PPIF: variants seen among roughly 807,000 people sequenced by gnomAD.
PPIF encodes peptidylprolyl isomerase F, also known as peptidyl-prolyl cis-trans isomerase F, mitochondrial.
Under a neutral mutation model 20.2 loss-of-function variants are expected in PPIF, and 23 were observed. That is an observed-to-expected ratio of 1.14 (90% CI 0.82 to 1.61). The LOEUF is 1.61. PPIF is among the 40% of genes most tolerant of loss of function. The probability of loss-of-function intolerance (pLI) is 0.00; values close to 1 mark genes in which losing one functional copy is unlikely to be tolerated. For synonymous variants in PPIF, 113 were observed against 123.1 expected, an observed-to-expected ratio of 0.92 and a Z score of 0.54; for missense variants, 287 against 291.6, an observed-to-expected ratio of 0.98 and a Z score of 0.11.
chr10:79,349,123 GGCCTT>G lies in PPIF; in HGVS notation c.226+18_226+22del. On this transcript the variant is annotated intron_variant, in intron 2 of 5. Coordinates refer to ENST00000225174, the MANE Select transcript of PPIF (RefSeq NM_005729.4). Reference sequence around the variant, plus strand: ...AGACAGCTGGTAAGACAGGGCCTGGGGCCTTCTGAGATGGGTCTAGAGGGAAGGGG... The same window carrying G: ...AGACAGCTGGTAAGACAGGGCCTGGGCTGAGATGGGTCTAGAGGGAAGGGG... The G allele has an allele frequency of 6.2e-7, 1 of 1,613,956 alleles. No homozygotes were observed. Among genetic ancestry groups the G allele is most frequent in the Non-Finnish European group, 8.5e-7 (1 of 1,179,980 alleles).
In PPIF at chr10:79,347,478, T is replaced by C. The variant is rs1019121902; in HGVS notation, c.-71T>C. 10 of 1,249,790 alleles carry C rather than the reference T, an allele frequency of 8.0e-6. No homozygotes were observed. Among genetic ancestry groups the C allele is most frequent in the South Asian group, 3.0e-5 (1 of 32,816 alleles). 77.4% of individuals were successfully genotyped at this position (1,249,790 alleles called of 1,614,324 possible). A position where few individuals can be genotyped will look rare whatever the true frequency, so the allele number is the denominator to read the frequency against. ...CGCGCGGCTGCGCGGGACTCGGCCT[T>C]CTGGGCGCGCGCGACGTCAGTTTGA... On this transcript the variant is annotated 5_prime_UTR_variant, in exon 1 of 6. Transcript: ENST00000225174.
Position 79,347,516 on chromosome 10 carries a change from C to T in PPIF, c.-33C>T. The T allele has an allele frequency of 7.8e-7, 1 of 1,286,144 alleles. No homozygotes were observed. Among genetic ancestry groups the T allele is most frequent in the Non-Finnish European group, 9.8e-7 (1 of 1,021,592 alleles). 79.7% of individuals were successfully genotyped at this position (1,286,144 alleles called of 1,614,324 possible). A position where few individuals can be genotyped will look rare whatever the true frequency, so the allele number is the denominator to read the frequency against. On this transcript the variant is annotated 5_prime_UTR_variant, in exon 1 of 6. Coordinates refer to ENST00000225174, the MANE Select transcript of PPIF (RefSeq NM_005729.4). ...GACGTCAGTTTGAGTTCTGTGTTCT[C>T]CCCGCCCGTGTCCCGCCCGACCCGC...
chr10:79,350,612 C>T (rs747524349), intron 3 of PPIF, among the ~76,000 whole-genome samples: 1 of 152,184 alleles, frequency 6.6e-6, no homozygotes, highest in Non-Finnish European at 1.5e-5. Flanking sequence ...CTGGCCCAGC[C>T]CTAAGGCTGA....
intron 2 of PPIF, 123 bp from the exon 3 acceptor site, chr10:79,349,542 G>A: frequency 1.3e-6 from 2 of 1,500,206 alleles, no homozygotes; most frequent in Non-Finnish European, 8.9e-7. Flanking sequence ...GACCCAAGAG[G>A]TGGGCCAGAG....
chr10:79,347,802 G>A, intron 1 of PPIF, 59 bp downstream of exon 1: 1 of 1,247,552 alleles, frequency 8.0e-7, no homozygotes, highest in Non-Finnish European at 1.0e-6. Context: ...AGAGCCCTGG[G>A]CCCCGGGCGG....
chr10:79,352,277 C>T (rs762202147), intron 4 of PPIF, 40 bp from the exon 5 acceptor site: 6 of 1,587,398 alleles, frequency 3.8e-6, no homozygotes, highest in African/African-American at 1.3e-5. Flanking sequence ...AGGCAGGTGC[C>T]TCCAGGGGCA....
chr10:79,352,215 C>A, intron 4 of PPIF, 102 bp from the exon 5 acceptor site: 3 of 1,048,456 alleles, frequency 2.9e-6, no homozygotes, highest in Non-Finnish European at 4.4e-6. Context: ...GATCTGCAGA[C>A]TCGAATGTCC....
Position 79,347,531 on chromosome 10 carries a change from G to C in PPIF, c.-18G>C. The C allele has an allele frequency of 7.7e-7, 1 of 1,296,796 alleles. No individual in the cohort carries two copies. Among genetic ancestry groups the C allele is most frequent in the Non-Finnish European group, 9.7e-7 (1 of 1,027,860 alleles). 80.3% of individuals were successfully genotyped at this position (1,296,796 alleles called of 1,614,324 possible). ...TCTGTGTTCTCCCCGCCCGTGTCCC[G>C]CCCGACCCGCGCCCGCGATGCTGGC... is the stretch of plus-strand genomic sequence containing the variant. On this transcript the variant is annotated 5_prime_UTR_variant, in exon 1 of 6. Transcript: ENST00000225174.
rs1242391702 is a variant in PPIF, at chr10:79,355,131, G to C, written c.*1289G>C. The C allele has an allele frequency of 6.6e-6, 1 of 152,106 alleles. No individual in the cohort carries two copies. Among genetic ancestry groups the C allele is most frequent in the Non-Finnish European group, 1.5e-5 (1 of 68,034 alleles). The allele number at this position is 152,106 out of a possible 1,614,324, so 9.4% of individuals were successfully genotyped here. On this transcript the variant is annotated 3_prime_UTR_variant, in exon 6 of 6. Coordinates refer to ENST00000225174, the MANE Select transcript of PPIF (RefSeq NM_005729.4). ...TTTTCTTGATGGTGAATTATTGCAA[G>C]ATACGGTCATTTAAAATTGTGTGGC...
intron 3 of PPIF, chr10:79,349,974 G>A: frequency 3.1e-6 from 3 of 972,306 alleles, no homozygotes; most frequent in Non-Finnish European, 4.4e-6. Context: ...CCTGCCCGGG[G>A]GACTGGGAGG....
chr10:79,352,593 G>C (rs1260522927), intron 5 of PPIF, among the ~76,000 whole-genome samples: 4 of 152,236 alleles, frequency 2.6e-5, no homozygotes, highest in South Asian at 2.1e-4. Context: ...CTGCAACTCT[G>C]TCATGGTTCG....
rs1264746152 is a variant in PPIF at position 79,355,172 on chromosome 10, C to T, written c.*1330C>T. On this transcript the variant is annotated 3_prime_UTR_variant, in exon 6 of 6. Coordinates refer to ENST00000225174, the MANE Select transcript of PPIF (RefSeq NM_005729.4). ...ATTGTGTGGCACCTCCCCCTGCCCC[C>T]TTCTTGCTCCTGCTTTCACCATGTG... The T allele has an allele frequency of 6.6e-6, 1 of 152,150 alleles. No individual in the cohort carries two copies. Among genetic ancestry groups the T allele is most frequent in the African/African-American group, 2.4e-5 (1 of 41,416 alleles). 9.4% of individuals were successfully genotyped at this position (152,150 alleles called of 1,614,324 possible). A position where few individuals can be genotyped will look rare whatever the true frequency, so the allele number is the denominator to read the frequency against.
intron 1 of PPIF, among the ~76,000 whole-genome samples, chr10:79,348,182 C>T (rs1377023552): frequency 6.6e-6 from 1 of 152,144 alleles, no homozygotes; most frequent in Non-Finnish European, 1.5e-5. Context: ...CGGCCCCGCC[C>T]CTGCGGTCGG....
rs749073914 is a variant in PPIF at position 79,352,345 on chromosome 10, T to C, written c.441T>C (p.Pro147=). 1.9e-6 allele frequency: 3 copies of C among 1,614,194 alleles called. No individual in the cohort carries two copies. The highest frequency in any genetic ancestry group is 1.7e-6 in the Non-Finnish European group (2 of 1,180,018). ...PGVLSMANAG[P]NTNGSQFFIC... ...TCCTGTCCATGGCTAATGCTGGTCC[T>C]AACACCAACGGCTCCCAGTTCTTCA... Residue 147 remains proline (P), a synonymous_variant, in exon 5 of 6, where the codon CCT becomes CCC. Transcript: ENST00000225174.
In PPIF at chr10:79,349,813, T is replaced by A. The variant is rs150931479; in HGVS notation, c.315+60T>A. On this transcript the variant is annotated intron_variant, in intron 3 of 5. Coordinates refer to ENST00000225174, the MANE Select transcript of PPIF (RefSeq NM_005729.4). Reference sequence around the variant, plus strand: ...GAGCAGGAGCTGCCTTGTGGGTGTGTGAAGATGCCTGGTATGAGGAAGGTG... The same window carrying A: ...GAGCAGGAGCTGCCTTGTGGGTGTGAGAAGATGCCTGGTATGAGGAAGGTG... 1.9e-6 allele frequency: 3 copies of A among 1,607,934 alleles called. No homozygotes were observed. In the East Asian group the frequency reaches 6.7e-5, roughly 36 times the overall value.
Position 79,347,512 on chromosome 10 carries a change from T to G in PPIF, c.-37T>G. ...GCGCGACGTCAGTTTGAGTTCTGTG[T>G]TCTCCCCGCCCGTGTCCCGCCCGAC... On this transcript the variant is annotated 5_prime_UTR_variant, in exon 1 of 6. Coordinates refer to ENST00000225174, the MANE Select transcript of PPIF (RefSeq NM_005729.4). 1 of 1,279,970 alleles carries G rather than the reference T, an allele frequency of 7.8e-7. No individual in the cohort carries two copies. Among genetic ancestry groups the G allele is most frequent in the Non-Finnish European group, 9.8e-7 (1 of 1,017,404 alleles). 79.3% of individuals were successfully genotyped at this position (1,279,970 alleles called of 1,614,324 possible). A position where few individuals can be genotyped will look rare whatever the true frequency, so the allele number is the denominator to read the frequency against.
intron 4 of PPIF, 194 bp downstream of exon 4, chr10:79,351,777 A>G: frequency 3.6e-6 from 2 of 554,540 alleles, no homozygotes; most frequent in South Asian, 2.5e-5. Context: ...CTCTCAGTTT[A>G]AAAAGCAGGG....
chr10:79,351,389 C>G, intron 3 of PPIF, 98 bp from the exon 4 acceptor site: 4 of 1,047,770 alleles, frequency 3.8e-6, no homozygotes, highest in Non-Finnish European at 5.6e-6. Flanking sequence ...GGGGCGCCAA[C>G]TGGGTGGGCT....
rs199568797 is a variant in PPIF at position 79,351,511 on chromosome 10, G to A, written c.340G>A (p.Gly114Ser). The change falls in exon 4 of 6, where the codon GGC (glycine) becomes AGC (serine). Residue 114 changes from glycine (G) to serine (S), a missense_variant. Transcript: ENST00000225174. ...CQAGDFTNHN[G>S]TGGKSIYGSR... Reference sequence around the variant, plus strand: ...GGCGGGCGACTTCACCAACCACAATGGCACAGGCGGGAAGTCCATCTACGG... The same window carrying A: ...GGCGGGCGACTTCACCAACCACAATAGCACAGGCGGGAAGTCCATCTACGG... 5.0e-5 allele frequency: 80 copies of A among 1,614,068 alleles called. 2 individuals carry two copies. In the East Asian group the frequency reaches 1.8e-3, roughly 36 times the overall value.
Sources: allele counts gnomAD v4.1 joint callset (sites outside exome capture counted in the v4.1 genomes callset), GRCh38; gene constraint gnomAD v4.1.1; transcripts MANE v1.5; gene names NCBI Gene and HGNC (gene_info 2026-07-23, HGNC 2026-07-21).